The following RUNX1T1 variants were observed in gnomAD, a reference collection of about 807,000 sequenced individuals.
RUNX1T1 encodes the protein RUNX1 partner transcriptional co-repressor 1.
Under a neutral mutation model 62.8 loss-of-function variants are expected in RUNX1T1, and 4 were observed. The ratio of observed to expected loss-of-function variants is 0.06; its 90% CI spans 0.03 to 0.15. The LOEUF is 0.15. Among genes scored for constraint, RUNX1T1 ranks in the 10% least tolerant of loss-of-function variants. The probability of loss-of-function intolerance (pLI) is 1.00; values close to 1 mark genes in which losing one functional copy is unlikely to be tolerated. For synonymous variants in RUNX1T1, 291 were observed against 286.0 expected (o/e 1.02, Z -0.18); for missense variants, 508 against 754.3 (o/e 0.67, Z 3.82).
chr8:92,101,355 T>G (rs1025427623), upstream of RUNX1T1, among the ~76,000 whole-genome samples: 7 of 152,202 alleles, frequency 4.6e-5, no homozygotes, highest in African/African-American at 1.7e-4. Context: ...CAGAGTTACA[T>G]TAAGCACATG....
intron 4 of RUNX1T1, among the ~76,000 whole-genome samples, chr8:92,008,572 A>G (rs1023990951): frequency 3.3e-5 from 5 of 152,116 alleles, no homozygotes; most frequent in Non-Finnish European, 5.9e-5. Context: ...AGGCAAACAT[A>G]GTTATGCCAG....
At chr8:92,062,565 C>T (rs911033686) in exon 1 of RUNX1T1, 6 of 1,614,028 alleles carry the variant, frequency 3.7e-6, no homozygotes, top group East Asian at 4.5e-5. Flanking sequence ...TTGAATCCAG[C>T]GTACCACACA....
intron 8 of RUNX1T1, among the ~76,000 whole-genome samples, chr8:91,981,373 T>C (rs1237675342): frequency 3.3e-5 from 5 of 150,682 alleles, no homozygotes; most frequent in African/African-American, 1.2e-4. Context: ...CAGGGGATGG[T>C]ATTAATTCAA....
chr8:91,970,952 C>T (rs1187170932), intron 9 of RUNX1T1, 104 bp from the exon 11 acceptor site: 1 of 985,206 alleles, frequency 1.0e-6, no homozygotes, highest in Non-Finnish European at 1.4e-6. Context: ...CTTTCCGAGG[C>T]TGGTCTCGAA....
At chr8:91,964,490 A>C (rs1811172048) in intron 10 of RUNX1T1, among the ~76,000 whole-genome samples, 1 of 152,172 alleles carries the variant, frequency 6.6e-6, no homozygotes, top group Non-Finnish European at 1.5e-5. Context: ...ACTTAAATTC[A>C]CATTAAGATT....
At chr8:92,072,764 T>C (rs768731639) in intron 2 of RUNX1T1, among the ~76,000 whole-genome samples, 2 of 152,172 alleles carry the variant, frequency 1.3e-5, no homozygotes, top group African/African-American at 2.4e-5. Context: ...CCCTCAAACA[T>C]GACCAAGAAA....
chr8:92,026,559 T>C (rs4623480), intron 1 of RUNX1T1, among the ~76,000 whole-genome samples: 35,654 of 152,214 alleles, frequency 0.23, 4,409 homozygotes, highest in African/African-American at 0.31. Flanking sequence ...CAGTGGCTCA[T>C]GCCTGTAATC....
chr8:91,991,111 A>C (rs1218919909), intron 6 of RUNX1T1, among the ~76,000 whole-genome samples: 4 of 152,216 alleles, frequency 2.6e-5, no homozygotes, highest in African/African-American at 9.6e-5. Flanking sequence ...TTCAAGTAAA[A>C]AAAAGTACCA....
chr8:91,976,023 C>T (rs1400685399), intron 8 of RUNX1T1, 50 bp from the exon 10 acceptor site: 1 of 1,293,006 alleles, frequency 7.7e-7, no homozygotes, highest in South Asian at 1.2e-5. Context: ...GTACTGTAAG[C>T]ACACTTGTGT....
intron 1 of RUNX1T1, among the ~76,000 whole-genome samples, chr8:92,046,872 A>G (rs755859036): frequency 6.6e-6 from 1 of 152,210 alleles, no homozygotes; most frequent in Non-Finnish European, 1.5e-5. Context: ...TAAAACAGAA[A>G]ACACAAATTG....
intron 5 of RUNX1T1, among the ~76,000 whole-genome samples, chr8:92,002,689 C>CT (rs1820002666): frequency 6.6e-6 from 1 of 152,152 alleles, no homozygotes; most frequent in Middle Eastern, 3.4e-3. Context: ...ACAGATTGAT[C>CT]TTTTTAATGA....
At chr8:91,997,845 A>G (rs1390138809) in intron 5 of RUNX1T1, among the ~76,000 whole-genome samples, 7 of 152,132 alleles carry the variant, frequency 4.6e-5, no homozygotes, top group Non-Finnish European at 7.4e-5. Context: ...AATGAGTAAG[A>G]GTGAGACACT....
At chr8:92,034,560 T>A (rs1031067069) in intron 1 of RUNX1T1, among the ~76,000 whole-genome samples, 2 of 151,938 alleles carry the variant, frequency 1.3e-5, no homozygotes, top group African/African-American at 4.8e-5. Context: ...CCTTCTTATA[T>A]CAAAAAGATA....
At chr8:92,035,394 T>C (rs1444574423) in intron 1 of RUNX1T1, among the ~76,000 whole-genome samples, 2 of 151,948 alleles carry the variant, frequency 1.3e-5, no homozygotes, top group Admixed American at 6.6e-5. Flanking sequence ...AATTACCTTT[T>C]AGGTATAATG....
intron 5 of RUNX1T1, among the ~76,000 whole-genome samples, chr8:91,993,438 C>T (rs2130900490): frequency 6.6e-6 from 1 of 152,140 alleles, no homozygotes; most frequent in Middle Eastern, 3.4e-3. Context: ...AAAGAACATG[C>T]CCACTACATA....
chr8:92,013,722 A>G (rs1298328143), intron 3 of RUNX1T1, among the ~76,000 whole-genome samples: 1 of 152,164 alleles, frequency 6.6e-6, no homozygotes, highest in Non-Finnish European at 1.5e-5. Context: ...TATATGTTCT[A>G]TTTTCTAGTG....
At chr8:92,044,362 T>G (rs1415878301) in intron 1 of RUNX1T1, among the ~76,000 whole-genome samples, 1 of 152,240 alleles carries the variant, frequency 6.6e-6, no homozygotes, top group Non-Finnish European at 1.5e-5. Context: ...CAATGTGACT[T>G]CTGCAAGTTC....
intron 8 of RUNX1T1, among the ~76,000 whole-genome samples, chr8:91,985,915 G>A (rs908864902): frequency 6.6e-6 from 1 of 152,112 alleles, no homozygotes; most frequent in African/African-American, 2.4e-5. Flanking sequence ...ACACTCACCT[G>A]GAAAAGGAAT....
chr8:92,053,511 T>A (rs892488663), intron 1 of RUNX1T1, among the ~76,000 whole-genome samples: 5 of 152,190 alleles, frequency 3.3e-5, no homozygotes, highest in African/African-American at 1.2e-4. Context: ...TTTTAAGTGT[T>A]GTATGTTGCA....
Sources: gnomAD v4.1 joint callset for allele counts (sites outside exome capture counted in the v4.1 genomes callset) on GRCh38, gnomAD v4.1.1 for gene constraint, MANE v1.5 for transcripts, NCBI Gene and HGNC (gene_info 2026-07-23, HGNC 2026-07-21) for gene names.